PTH2R: variants seen among roughly 807,000 people sequenced by gnomAD.
The protein encoded by PTH2R is PTH2 receptor.
A neutral mutation model predicts 60.3 loss-of-function variants in PTH2R; 59 were observed. The observed-to-expected ratio is 0.98, with a 90% CI of 0.79 to 1.22. PTH2R has a LOEUF of 1.22. Among genes scored for constraint, PTH2R ranks in the 50% most tolerant of loss-of-function variants. PTH2R has a pLI of 0.00. For synonymous variants in PTH2R, 256 were observed against 243.8 expected (o/e 1.05, Z -0.47); for missense variants, 749 against 682.6 (o/e 1.10, Z -1.08).
chr2:208,402,975 T>G (rs1280744907), upstream of PTH2R, among the ~76,000 whole-genome samples: 5 of 152,224 alleles, frequency 3.3e-5, no homozygotes, highest in Admixed American at 3.3e-4. Flanking sequence ...TGCACATCAT[T>G]TAGCTTCTTT....
At chr2:208,478,282 T>G (rs890418702) in intron 9 of PTH2R, among the ~76,000 whole-genome samples, 2 of 152,174 alleles carry the variant, frequency 1.3e-5, no homozygotes, top group Non-Finnish European at 2.9e-5. Flanking sequence ...TAAAAGAACA[T>G]GCGTTTGTTC....
rs954886421 is a variant in PTH2R at position 208,389,237 on chromosome 2, C to G, written c.-259+29000C>G. ...TTAAAAGGAAATGCATACACACACA[C>G]ACACACACACACACACACACACACA... On this transcript the variant is annotated intron_variant, in intron 1 of 12. Transcript: ENST00000617735. 5.7e-3 allele frequency among the ~76,000 whole-genome samples: 790 copies of G among 139,398 alleles called. 17 individuals are homozygous for G. Among genetic ancestry groups the G allele is most frequent in the Admixed American group, 0.027 (394 of 14,724 alleles). The allele number at this position is 139,398 out of a possible 152,430, so 91.5% of individuals were successfully genotyped here.
intron 10 of PTH2R, 133 bp from the exon 11 acceptor site, chr2:208,488,879 T>C: frequency 1.1e-6 from 1 of 919,232 alleles, no homozygotes; most frequent in Non-Finnish European, 1.6e-6. Context: ...AAACCCTGTC[T>C]CAAGAAAAGA....
intron 4 of PTH2R, among the ~76,000 whole-genome samples, chr2:208,440,365 A>G (rs942303160): frequency 2.0e-5 from 3 of 152,090 alleles, no homozygotes; most frequent in African/African-American, 4.8e-5. Flanking sequence ...CCTCTCTTTT[A>G]TGTTTTACAC....
At position 208,396,700 on chromosome 2, in the gene PTH2R, T is replaced by C. The variant is rs568274721; in HGVS notation, c.-258-31501T>C. 3.3e-5 allele frequency among the ~76,000 whole-genome samples: 5 copies of C among 152,318 alleles called. No homozygotes were observed. In the South Asian group the frequency reaches 1.0e-3, roughly 32 times the overall value. ...TGGAGAAATAGGAACGCTTTTACGCTGTTGGTGGGAGTGTAAATGAGTTCA... is the reference window on the plus strand; with the variant it reads ...TGGAGAAATAGGAACGCTTTTACGCCGTTGGTGGGAGTGTAAATGAGTTCA... On this transcript the variant is annotated intron_variant, in intron 1 of 12. Coordinates refer to the PTH2R transcript ENST00000617735.
At chr2:208,415,504 C>G (rs1397558974) in intron 1 of PTH2R, among the ~76,000 whole-genome samples, 1 of 152,110 alleles carries the variant, frequency 6.6e-6, no homozygotes, top group African/African-American at 2.4e-5. Context: ...TTTCACTTTA[C>G]TTTTTTCGCT....
At chr2:208,418,807 C>T (rs889185550) in intron 1 of PTH2R, among the ~76,000 whole-genome samples, 2 of 152,144 alleles carry the variant, frequency 1.3e-5, no homozygotes, top group Admixed American at 6.5e-5. Context: ...CTTCACAATA[C>T]ATCCTGGAAA....
At chr2:208,370,218 C>T (rs529431700) in intron 1 of PTH2R, among the ~76,000 whole-genome samples, 39 of 151,892 alleles carry the variant, frequency 2.6e-4, no homozygotes, top group East Asian at 2.1e-3. Flanking sequence ...CCGAAGCGGG[C>T]GGATCATGAG....
At chr2:208,477,073 G>T (rs558228860) in intron 9 of PTH2R, among the ~76,000 whole-genome samples, 2 of 152,152 alleles carry the variant, frequency 1.3e-5, no homozygotes, top group Non-Finnish European at 2.9e-5. Flanking sequence ...GTAGTGTTTA[G>T]AGCACGCATA....
In PTH2R at chr2:208,418,537, T is replaced by G. The variant is rs568874389; in HGVS notation, c.76-9664T>G. ...AGTGATAAAGTTTAACACCCATCCA[T>G]GAAAGAAATTCTTAATAAAATAAGC... On this transcript the variant is annotated intron_variant, in intron 1 of 12. Coordinates refer to ENST00000272847, the MANE Select transcript of PTH2R (RefSeq NM_005048.4). Among the ~76,000 whole-genome samples, 5 of 152,110 alleles carry G rather than the reference T, an allele frequency of 3.3e-5. No individual in the cohort carries two copies. The East Asian group carries it at 7.7e-4, about 23-fold the overall frequency.
chr2:208,493,306 T>C lies in PTH2R; in HGVS notation c.1300T>C (p.Ser434Pro). The change falls in exon 13 of 13, where the codon TCC (serine) becomes CCC (proline). Residue 434 changes from serine (S) to proline (P), a missense_variant. Coordinates refer to ENST00000272847, the MANE Select transcript of PTH2R (RefSeq NM_005048.4). Reference protein sequence around the residue: ...VKKMWSRWNLSVDWKRTPPCG... With the variant: ...VKKMWSRWNLPVDWKRTPPCG... ...GAAGATGTGGAGTCGGTGGAACCTC[T>C]CCGTGGACTGGAAAAGGACACCGCC... is the stretch of plus-strand genomic sequence containing the variant. 1 of 1,534,210 alleles carries C rather than the reference T, an allele frequency of 6.5e-7. No homozygotes were observed. The highest frequency in any genetic ancestry group is 8.8e-7 in the Non-Finnish European group (1 of 1,138,076).
At chr2:208,365,161 T>C (rs1288489708) in intron 1 of PTH2R, among the ~76,000 whole-genome samples, 1 of 152,120 alleles carries the variant, frequency 6.6e-6, no homozygotes, top group Non-Finnish European at 1.5e-5. Flanking sequence ...CTTTTATTGC[T>C]TTTTCTTGTC....
chr2:208,360,240 A>G (rs1052796797), intron 1 of PTH2R: 14 of 447,426 alleles, frequency 3.1e-5, no homozygotes, highest in African/African-American at 1.8e-4. Flanking sequence ...TTGAACAGGT[A>G]AGAAGAGCGC....
At chr2:208,414,852 G>A (rs190068975) in intron 1 of PTH2R, among the ~76,000 whole-genome samples, 1 of 152,008 alleles carries the variant, frequency 6.6e-6, no homozygotes, top group Non-Finnish European at 1.5e-5. Flanking sequence ...CTTTACCTCT[G>A]TGGTCTTCCC....
exon 1 of PTH2R, chr2:208,359,997 C>T (rs1012504047): frequency 6.8e-6 from 2 of 295,704 alleles, no homozygotes; most frequent in African/African-American, 4.4e-5. Flanking sequence ...TGGGAGGCAG[C>T]CTGCTCTCCA....
chr2:208,405,322 G>A (rs552140665), upstream of PTH2R, among the ~76,000 whole-genome samples: 171 of 152,122 alleles, frequency 1.1e-3, no homozygotes, highest in Non-Finnish European at 1.7e-3. Context: ...TTCCTTTCTC[G>A]CATAAAAGCT....
intron 9 of PTH2R, among the ~76,000 whole-genome samples, chr2:208,474,203 G>A (rs1370605176): frequency 6.6e-6 from 1 of 152,092 alleles, no homozygotes; most frequent in African/African-American, 2.4e-5. Context: ...GTTATTAGGA[G>A]GACTATGTAA....
chr2:208,459,023 T>C (rs190612156), intron 8 of PTH2R, among the ~76,000 whole-genome samples: 1 of 152,218 alleles, frequency 6.6e-6, no homozygotes, highest in South Asian at 2.1e-4. Flanking sequence ...CTTTGAGGAA[T>C]CGCCATACTG....
chr2:208,417,652 C>T (rs144706952), intron 1 of PTH2R, among the ~76,000 whole-genome samples: 109 of 146,320 alleles, frequency 7.4e-4, no homozygotes, highest in African/African-American at 2.5e-3. Flanking sequence ...CGGATTAAAG[C>T]GATTCTCCTG....
Sources: allele counts gnomAD v4.1 joint callset (sites outside exome capture counted in the v4.1 genomes callset), GRCh38; gene constraint gnomAD v4.1.1; transcripts MANE v1.5; gene names NCBI Gene and HGNC (gene_info 2026-07-23, HGNC 2026-07-21).